Variants in ATRNL1 observed in about 807,000 individuals in gnomAD.
ATRNL1 encodes attractin-like protein 1.
ATRNL1 carries 95 observed loss-of-function variants against 182.7 expected under a neutral mutation model. The ratio of observed to expected loss-of-function variants is 0.52; its 90% CI spans 0.44 to 0.62. The LOEUF is 0.62. Ranked by LOEUF, ATRNL1 falls within the 20% of genes least tolerant of loss-of-function variation. The pLI, the probability that ATRNL1 is intolerant of heterozygous loss-of-function variation, is 0.00. For synonymous variants in ATRNL1, 576 were observed against 568.3 expected (o/e 1.01, Z -0.19); for missense variants, 1,471 against 1,679.5 (o/e 0.88, Z 2.17).
intron 9 of ATRNL1, among the ~76,000 whole-genome samples, chr10:115,227,272 C>G (rs1554898853): frequency 6.6e-6 from 1 of 152,098 alleles, no homozygotes; most frequent in African/African-American, 2.4e-5. Context: ...CATGAACAGA[C>G]ACTTCTCAAA....
intron 8 of ATRNL1, among the ~76,000 whole-genome samples, chr10:115,188,121 GAATT>G (rs769466922): frequency 1.8e-4 from 28 of 151,908 alleles, no homozygotes; most frequent in Non-Finnish European, 3.4e-4. Context: ...GAGGGAGAAA[GAATT>G]AATGATAAAC....
At chr10:115,732,103 C>G (rs1555063097) in intron 27 of ATRNL1, among the ~76,000 whole-genome samples, 1 of 152,080 alleles carries the variant, frequency 6.6e-6, no homozygotes, top group African/African-American at 2.4e-5. Context: ...CTTTTGGATA[C>G]TATGAATGAT....
intron 26 of ATRNL1, among the ~76,000 whole-genome samples, chr10:115,613,364 C>T (rs1857261206): frequency 1.3e-5 from 2 of 152,158 alleles, no homozygotes; most frequent in African/African-American, 2.4e-5. Context: ...CCCCTACATC[C>T]CTCATGTAAA....
At chr10:115,689,004 ATTC>A (rs1415673887) in intron 26 of ATRNL1, among the ~76,000 whole-genome samples, 2 of 152,124 alleles carry the variant, frequency 1.3e-5, no homozygotes, top group Non-Finnish European at 2.9e-5. Flanking sequence ...TCCGAGTTTC[ATTC>A]TTCTGCATAC....
chr10:115,178,347 G>A (rs1554887220), intron 8 of ATRNL1, among the ~76,000 whole-genome samples: 1 of 152,120 alleles, frequency 6.6e-6, no homozygotes, highest in Non-Finnish European at 1.5e-5. Flanking sequence ...AATGTTTAAT[G>A]AAGAAATCAG....
intron 27 of ATRNL1, among the ~76,000 whole-genome samples, chr10:115,736,978 C>T (rs898728717): frequency 6.6e-6 from 1 of 151,936 alleles, no homozygotes; most frequent in Non-Finnish European, 1.5e-5. Context: ...GTGAGTTGCT[C>T]ATATTAACTT....
intron 27 of ATRNL1, among the ~76,000 whole-genome samples, chr10:115,790,185 G>A (rs544163087): frequency 4.0e-5 from 6 of 150,940 alleles, no homozygotes. Context: ...TCCAGAGCAG[G>A]ACAATCTGAC....
At chr10:115,589,357 A>T (rs187423442) in intron 26 of ATRNL1, among the ~76,000 whole-genome samples, 15 of 152,256 alleles carry the variant, frequency 9.9e-5, no homozygotes, top group Non-Finnish European at 1.9e-4. Flanking sequence ...AGGGCTTCCT[A>T]TATCAGTATG....
chr10:115,831,113 G>GCC (rs1950549744), intron 27 of ATRNL1, among the ~76,000 whole-genome samples: 1 of 152,082 alleles, frequency 6.6e-6, no homozygotes, highest in South Asian at 2.1e-4. Flanking sequence ...GCTCCCACCT[G>GCC]CCCTTGTTCT....
intron 5 of ATRNL1, among the ~76,000 whole-genome samples, chr10:115,151,515 G>A (rs1189058100): frequency 6.6e-6 from 1 of 152,154 alleles, no homozygotes; most frequent in African/African-American, 2.4e-5. Context: ...CTGCCTAAAT[G>A]TCTTCTTTTG....
rs903959937 is a variant in ATRNL1, at chr10:115,203,635, A to G, written c.1349-12062A>G. 2.2e-5 allele frequency among the ~76,000 whole-genome samples: 3 copies of G among 135,388 alleles called. No homozygotes were observed. In the East Asian group the frequency reaches 6.7e-4, roughly 30 times the overall value. 88.8% of individuals were successfully genotyped at this position (135,388 alleles called of 152,430 possible). ...TGCTCTGTCACCCAGGCTAGAGTGT[A>G]GTGGCACGCTCTTGGCTCACTGCAA... On this transcript the variant is annotated intron_variant, in intron 8 of 28. Transcript: ENST00000355044.
chr10:115,187,827 G>A (rs1358478846), intron 8 of ATRNL1, among the ~76,000 whole-genome samples: 1 of 151,426 alleles, frequency 6.6e-6, no homozygotes, highest in Non-Finnish European at 1.5e-5. Context: ...GACTACAGGT[G>A]CGCGCCAGCA....
intron 26 of ATRNL1, among the ~76,000 whole-genome samples, chr10:115,677,016 A>C (rs1285858684): frequency 6.6e-6 from 1 of 152,118 alleles, no homozygotes; most frequent in Non-Finnish European, 1.5e-5. Flanking sequence ...CCATTGCTGT[A>C]CTTGTTTTTA....
intron 26 of ATRNL1, among the ~76,000 whole-genome samples, chr10:115,651,131 A>G (rs1294422760): frequency 6.6e-6 from 1 of 152,176 alleles, no homozygotes; most frequent in Non-Finnish European, 1.5e-5. Flanking sequence ...CTTAGTTTAT[A>G]AGGGGAGATC....
intron 26 of ATRNL1, among the ~76,000 whole-genome samples, chr10:115,666,179 G>A (rs1383870643): frequency 1.3e-5 from 2 of 152,154 alleles, no homozygotes; most frequent in Non-Finnish European, 2.9e-5. Flanking sequence ...AAATTCTGAT[G>A]TAGGAATATA....
At chr10:115,222,574 A>G (rs1418766535) in intron 9 of ATRNL1, among the ~76,000 whole-genome samples, 1 of 152,198 alleles carries the variant, frequency 6.6e-6, no homozygotes, top group Non-Finnish European at 1.5e-5. Context: ...GAAAAAGGGC[A>G]TATTTCCTTT....
In ATRNL1 at chr10:115,135,153, C is replaced by G. The variant is rs553023821; in HGVS notation, c.829+5618C>G. 7.9e-5 allele frequency among the ~76,000 whole-genome samples: 12 copies of G among 152,144 alleles called. No homozygotes were observed. The East Asian group carries it at 2.3e-3, about 29-fold the overall frequency. Reference sequence around the variant, plus strand: ...GACAGGGATGTCCTCTCTCACCAGTCCTATTCAACATAGTGTTGGAAGTTC... The same window carrying G: ...GACAGGGATGTCCTCTCTCACCAGTGCTATTCAACATAGTGTTGGAAGTTC... On this transcript the variant is annotated intron_variant, in intron 5 of 28. Transcript: ENST00000355044.
intron 26 of ATRNL1, among the ~76,000 whole-genome samples, chr10:115,699,290 C>T (rs1555050787): frequency 6.6e-6 from 1 of 151,898 alleles, no homozygotes; most frequent in Non-Finnish European, 1.5e-5. Flanking sequence ...AAAGATAGTT[C>T]TAAAATTTAC....
At chr10:115,531,585 T>A (rs1223776025) in intron 25 of ATRNL1, among the ~76,000 whole-genome samples, 2 of 150,546 alleles carry the variant, frequency 1.3e-5, no homozygotes, top group East Asian at 3.9e-4. Flanking sequence ...GGCTGCCTGT[T>A]CACTCTGATG....
Sources: allele counts gnomAD v4.1 joint callset (sites outside exome capture counted in the v4.1 genomes callset), GRCh38; gene constraint gnomAD v4.1.1; transcripts MANE v1.5; gene names NCBI Gene and HGNC (gene_info 2026-07-23, HGNC 2026-07-21).